The following CLMP variants were observed in gnomAD, a reference collection of about 807,000 sequenced individuals.
CLMP encodes CXADR like cell adhesion molecule, also known as CXADR-like membrane protein.
Under a neutral mutation model 45.2 loss-of-function variants are expected in CLMP, and 27 were observed. The ratio of observed to expected loss-of-function variants is 0.60; its 90% CI spans 0.44 to 0.82. The LOEUF (loss-of-function observed/expected upper bound fraction) is 0.82. Ranked by LOEUF, CLMP falls within the 40% of genes least tolerant of loss-of-function variation. CLMP has a pLI of 0.00. For synonymous variants in CLMP, 167 were observed against 171.4 expected (o/e 0.97, Z 0.20); for missense variants, 403 against 448.4 (o/e 0.90, Z 0.91).
At chr11:123,081,013 G>T (rs1865797901) in intron 5 of CLMP, among the ~76,000 whole-genome samples, 1 of 151,952 alleles carries the variant, frequency 6.6e-6, no homozygotes, top group Non-Finnish European at 1.5e-5. Context: ...AGGTGTGGTG[G>T]CACACACCTG....
intron 1 of CLMP, among the ~76,000 whole-genome samples, chr11:123,136,542 G>A (rs1861074006): frequency 6.8e-6 from 1 of 147,734 alleles, no homozygotes; most frequent in Non-Finnish European, 1.5e-5. Context: ...CTGGAACTTG[G>A]GTTATTACTT....
At chr11:123,080,754 G>A (rs1865795275) in intron 5 of CLMP, among the ~76,000 whole-genome samples, 1 of 152,158 alleles carries the variant, frequency 6.6e-6, no homozygotes, top group African/African-American at 2.4e-5. Context: ...AAATCAGTGG[G>A]AAAACAGCTA....
At chr11:123,122,684 T>C (rs1166711104) in intron 1 of CLMP, among the ~76,000 whole-genome samples, 2 of 152,210 alleles carry the variant, frequency 1.3e-5, no homozygotes, top group Non-Finnish European at 2.9e-5. Context: ...GAAAGCAAGT[T>C]TCATCAGGAA....
rs1200694076 is a variant in CLMP at position 123,125,530 on chromosome 11, TCCCTC to T, written c.29-27583_29-27579del. 1.8e-4 allele frequency among the ~76,000 whole-genome samples: 13 copies of T among 73,730 alleles called. No individual in the cohort carries two copies. In the East Asian group the frequency reaches 2.5e-3, roughly 14 times the overall value. The allele number at this position is 73,730 out of a possible 152,430, so 48.4% of individuals were successfully genotyped here. ...TCCCTTCCCTTCCCTTCCCTTCCCT[TCCCTC>T]CCCTTCCCTCCCCTCCCCTCCCTCC... On this transcript the variant is annotated intron_variant, in intron 1 of 6. Coordinates refer to ENST00000448775, the MANE Select transcript of CLMP (RefSeq NM_024769.5).
intron 1 of CLMP, among the ~76,000 whole-genome samples, chr11:123,119,916 A>G (rs1333388850): frequency 1.3e-5 from 2 of 152,056 alleles, no homozygotes; most frequent in African/African-American, 2.4e-5. Context: ...CGAACTCCTG[A>G]CCTCAGGTGA....
At position 123,084,501 on chromosome 11, in the gene CLMP, T is replaced by G; in HGVS notation, c.388+11A>C. The G allele has an allele frequency of 1.2e-6, 2 of 1,610,172 alleles. No individual in the cohort carries two copies. Among genetic ancestry groups the G allele is most frequent in the Non-Finnish European group, 1.7e-6 (2 of 1,176,384 alleles). ...TAAGCTGTAGACATTCACTTTGGCA[T>G]CCTATCTTACCTAAGACTTTTAAGA... On this transcript the variant is annotated intron_variant, in intron 3 of 6. Coordinates refer to ENST00000448775, the MANE Select transcript of CLMP (RefSeq NM_024769.5).
At chr11:123,156,672 AG>A in intron 1 of CLMP, among the ~76,000 whole-genome samples, 1 of 152,208 alleles carries the variant, frequency 6.6e-6, no homozygotes, top group East Asian at 1.9e-4. Flanking sequence ...TACCTGTGGT[AG>A]GGAAATGCTT....
rs1423815626 is a variant in CLMP at position 123,070,968 on chromosome 11, A to G, written c.*2506T>C. The G allele has an allele frequency of 5.9e-5, 9 of 152,214 alleles. No homozygotes were observed. Among genetic ancestry groups the G allele is most frequent in the Non-Finnish European group, 1.3e-4 (9 of 68,032 alleles). 9.4% of individuals were successfully genotyped at this position (152,214 alleles called of 1,614,324 possible). On this transcript the variant is annotated 3_prime_UTR_variant, in exon 7 of 7. Coordinates refer to ENST00000448775, the MANE Select transcript of CLMP (RefSeq NM_024769.5). ...TTACAAGAATTTTGTTTTTTGCACT[A>G]TGTGACGACACGATTGTGAGAATTA...
chr11:123,110,541 C>T (rs1477541832), intron 1 of CLMP, among the ~76,000 whole-genome samples: 1 of 151,858 alleles, frequency 6.6e-6, no homozygotes, highest in Non-Finnish European at 1.5e-5. Context: ...ATTGCTGGAA[C>T]TCAGGAAGTG....
intron 1 of CLMP, among the ~76,000 whole-genome samples, chr11:123,167,373 C>T (rs1420615231): frequency 1.3e-5 from 2 of 152,168 alleles, no homozygotes; most frequent in Non-Finnish European, 2.9e-5. Context: ...GCAAGCTCCA[C>T]CTCCTGGGTT....
chr11:123,084,783 G>A (rs1412495126), intron 2 of CLMP, 70 bp from the exon 3 acceptor site: 2 of 1,346,322 alleles, frequency 1.5e-6, no homozygotes, highest in Non-Finnish European at 2.1e-6. Context: ...GTGTGAAGAA[G>A]AGGAAAGGGA....
intron 1 of CLMP, among the ~76,000 whole-genome samples, chr11:123,106,778 T>G (rs1031689718): frequency 1.1e-4 from 16 of 151,936 alleles, no homozygotes; most frequent in African/African-American, 3.9e-4. Flanking sequence ...CCCAGCACGT[T>G]GGGAGGTCGA....
chr11:123,089,040 C>T (rs945248348), intron 2 of CLMP, among the ~76,000 whole-genome samples: 10 of 152,272 alleles, frequency 6.6e-5, no homozygotes, highest in East Asian at 1.9e-4. Flanking sequence ...CTGCTTTGGA[C>T]GCTAGAACAG....
At chr11:123,143,408 C>T (rs1424044429) in intron 1 of CLMP, among the ~76,000 whole-genome samples, 3 of 151,936 alleles carry the variant, frequency 2.0e-5, no homozygotes, top group African/African-American at 7.3e-5. Flanking sequence ...AGGTGATGGG[C>T]TGTCAATTCC....
intron 1 of CLMP, among the ~76,000 whole-genome samples, chr11:123,153,905 C>T (rs979265635): frequency 1.3e-5 from 2 of 148,576 alleles, no homozygotes; most frequent in African/African-American, 2.5e-5. Context: ...AGGCTGGTCT[C>T]GAACTCTTGA....
At chr11:123,135,275 A>AAAAAG (rs1212141732) in intron 1 of CLMP, among the ~76,000 whole-genome samples, 20 of 139,232 alleles carry the variant, frequency 1.4e-4, no homozygotes, top group African/African-American at 5.5e-4. Context: ...AAAAAAAAAA[A>AAAAAG]CCTGAGAAAA....
chr11:123,143,812 A>AT (rs60758870), intron 1 of CLMP, among the ~76,000 whole-genome samples: 54,019 of 145,948 alleles, frequency 0.37, 10,111 homozygotes, highest in Middle Eastern at 0.44. Flanking sequence ...GTCTTGTGAG[A>AT]TTTTTTTTTT....
intron 1 of CLMP, among the ~76,000 whole-genome samples, chr11:123,174,561 T>C (rs554703801): frequency 4.6e-5 from 7 of 152,260 alleles, no homozygotes; most frequent in African/African-American, 1.7e-4. Flanking sequence ...TAAAAGAGCC[T>C]CCCACTTGCC....
Position 123,070,077 on chromosome 11 carries a change from T to C in CLMP, c.*3397A>G, listed in dbSNP as rs186278265. ...CAGTTCCGAAATTGTTTTTATACAC[T>C]GTAACAACAAAGGTACCAACTTCCT... On this transcript the variant is annotated 3_prime_UTR_variant, in exon 7 of 7. Transcript: ENST00000448775. 1 of 152,350 alleles carries C rather than the reference T, an allele frequency of 6.6e-6. No homozygotes were observed. Among genetic ancestry groups the C allele is most frequent in the Non-Finnish European group, 1.5e-5 (1 of 68,024 alleles). 9.4% of individuals were successfully genotyped at this position (152,350 alleles called of 1,614,324 possible). A position where few individuals can be genotyped will look rare whatever the true frequency, so the allele number is the denominator to read the frequency against.
Sources: allele counts gnomAD v4.1 joint callset (sites outside exome capture counted in the v4.1 genomes callset), GRCh38; gene constraint gnomAD v4.1.1; transcripts MANE v1.5; gene names NCBI Gene and HGNC (gene_info 2026-07-23, HGNC 2026-07-21).